Variants in CHMP3 observed in about 807,000 individuals in gnomAD.
CHMP3 encodes charged multivesicular body protein 3, also known as 25.1 protein.
In CHMP3, 8 loss-of-function variants were observed where a neutral mutation model predicts 27.4. The observed-to-expected ratio is 0.29, with a 90% confidence interval of 0.17 to 0.53. The LOEUF (loss-of-function observed/expected upper bound fraction) is 0.53. Ranked by LOEUF, CHMP3 falls within the 20% of genes least tolerant of loss-of-function variation. The probability of loss-of-function intolerance (pLI) is 0.96; values close to 1 mark genes in which losing one functional copy is unlikely to be tolerated. For missense variants in CHMP3, 208 were observed against 271.5 expected, an observed-to-expected ratio of 0.77 and a Z score of 1.64; for synonymous variants, 86 against 85.5, an observed-to-expected ratio of 1.01 and a Z score of -0.03.
chr2:86,563,328 G>C lies in CHMP3; in HGVS notation c.21C>G (p.Thr7=). 1 of 1,614,042 alleles carries C rather than the reference G, an allele frequency of 6.2e-7. No individual in the cohort carries two copies. The highest frequency in any genetic ancestry group is 8.5e-7 in the Non-Finnish European group (1 of 1,179,958). Residue 7 remains threonine (T), a synonymous_variant, in exon 1 of 6, where the codon ACC becomes ACG. Transcript: ENST00000263856. The part of the protein sequence containing the change: MGLFGK[T]QEKPPKELVN... ...CCAGTTCTTTGGGCGGCTTCTCCTG[G>C]GTCTTTCCAAACAGCCCCATGACGA...
intron 2 of CHMP3, among the ~76,000 whole-genome samples, chr2:86,531,460 C>T (rs562378810): frequency 6.6e-6 from 1 of 152,182 alleles, no homozygotes; most frequent in Non-Finnish European, 1.5e-5. Context: ...CAGCTTCATA[C>T]TCCTGGCCTC....
intron 1 of CHMP3, among the ~76,000 whole-genome samples, chr2:86,550,452 G>C (rs2104022101): frequency 6.6e-6 from 1 of 150,476 alleles, no homozygotes; most frequent in African/African-American, 2.5e-5. Flanking sequence ...AAGGGAGAGG[G>C]AGAGAGAGAG....
intron 3 of CHMP3, among the ~76,000 whole-genome samples, chr2:86,526,139 C>T: frequency 6.6e-6 from 1 of 152,190 alleles, no homozygotes; most frequent in East Asian, 1.9e-4. Context: ...AAACGATAGG[C>T]TCTTATGTGC....
At chr2:86,531,497 G>A (rs1358210930) in intron 2 of CHMP3, among the ~76,000 whole-genome samples, 2 of 152,040 alleles carry the variant, frequency 1.3e-5, no homozygotes, top group Non-Finnish European at 2.9e-5. Context: ...TCAGCCTCCC[G>A]AGTAGCTGGG....
Position 86,563,321 on chromosome 2 carries a change from T to C in CHMP3, c.28A>G (p.Lys10Glu), listed in dbSNP as rs1558667032. 5.0e-6 allele frequency: 8 copies of C among 1,613,950 alleles called. No homozygotes were observed. In the African/African-American group the frequency reaches 5.3e-5, roughly 11 times the overall value. MGLFGKTQEKPPKELVNEWS... is the reference protein window; with the variant it reads MGLFGKTQEEPPKELVNEWS... The stretch of plus-strand genomic sequence containing the variant: ...GCCCTTACCAGTTCTTTGGGCGGCT[T>C]CTCCTGGGTCTTTCCAAACAGCCCC... Residue 10 changes from lysine to glutamate, a missense_variant, in exon 1 of 6, where the codon AAG (lysine) becomes GAG (glutamate). Coordinates refer to ENST00000263856, the MANE Select transcript of CHMP3 (RefSeq NM_016079.4).
At chr2:86,550,300 C>T (rs947022035) in intron 1 of CHMP3, among the ~76,000 whole-genome samples, 3 of 151,830 alleles carry the variant, frequency 2.0e-5, no homozygotes, top group Non-Finnish European at 2.9e-5. Flanking sequence ...CACGGGAGCC[C>T]GGGGCAGGGA....
chr2:86,558,940 A>G (rs1677240411), intron 1 of CHMP3, among the ~76,000 whole-genome samples: 1 of 151,940 alleles, frequency 6.6e-6, no homozygotes, highest in South Asian at 2.1e-4. Flanking sequence ...ATACTTTATC[A>G]GTGCATCAGC....
chr2:86,551,362 T>C (rs1676899042), intron 1 of CHMP3, among the ~76,000 whole-genome samples: 1 of 151,770 alleles, frequency 6.6e-6, no homozygotes, highest in African/African-American at 2.4e-5. Context: ...GTTCAAGCAA[T>C]TCTCCTGCCT....
chr2:86,550,276 C>T (rs928404206), intron 1 of CHMP3, among the ~76,000 whole-genome samples: 7 of 152,170 alleles, frequency 4.6e-5, no homozygotes, highest in African/African-American at 1.4e-4. Flanking sequence ...CTTGGCAGGC[C>T]GAGGTAGGAG....
Position 86,505,949 on chromosome 2 carries a change from C to A in CHMP3, c.524G>T (p.Gly175Val). Residue 175 changes from glycine (G) to valine (V), a missense_variant and splice_region_variant, in exon 6 of 6, where the codon GGG becomes GTG. By Grantham distance (109) the Gly-to-Val change is moderately radical. Coordinates refer to ENST00000263856, the MANE Select transcript of CHMP3 (RefSeq NM_016079.4). ...TTTACTGGGTGCTTTGCCCAAGGCC[C>A]CTGAAAAGAAAGAGCAAAGATGAAC... Reference protein sequence around the residue: ...IDRILFEITAGALGKAPSKVT... With the variant: ...IDRILFEITAVALGKAPSKVT... 1.3e-6 allele frequency: 2 copies of A among 1,552,784 alleles called. No homozygotes were observed. Among genetic ancestry groups the A allele is most frequent in the Non-Finnish European group, 8.7e-7 (1 of 1,145,474 alleles).
chr2:86,515,415 G>A (rs1389126521), intron 3 of CHMP3: 2 of 152,200 alleles, frequency 1.3e-5, no homozygotes. Flanking sequence ...TCTGCCTCCC[G>A]GGTTCTAAGC....
intron 3 of CHMP3, among the ~76,000 whole-genome samples, chr2:86,527,554 T>C (rs1675763195): frequency 6.6e-6 from 1 of 152,214 alleles, no homozygotes; most frequent in African/African-American, 2.4e-5. Context: ...AGGATTAAAC[T>C]ATTTCTTTAT....
chr2:86,550,702 C>T (rs6714826), intron 1 of CHMP3, among the ~76,000 whole-genome samples: 121,403 of 152,102 alleles, frequency 0.8, 48,862 homozygotes, highest in East Asian at 0.95. Flanking sequence ...ATGGGTTCTA[C>T]ATGTGTGGAT....
At chr2:86,528,882 G>A (rs1280013514) in intron 3 of CHMP3, among the ~76,000 whole-genome samples, 1 of 152,100 alleles carries the variant, frequency 6.6e-6, no homozygotes, top group Non-Finnish European at 1.5e-5. Context: ...CTGGACCTAG[G>A]ACAAAGGTAG....
intron 3 of CHMP3, chr2:86,512,432 C>T (rs1675138732): frequency 6.6e-6 from 1 of 152,194 alleles, no homozygotes; most frequent in Admixed American, 6.5e-5. Flanking sequence ...ATAAATTACT[C>T]AGTCTCAGGT....
chr2:86,555,774 TC>T (rs1677098168), intron 1 of CHMP3, among the ~76,000 whole-genome samples: 2 of 152,172 alleles, frequency 1.3e-5, no homozygotes, highest in African/African-American at 4.8e-5. Context: ...ATGTCAAATC[TC>T]CCTCTAAATC....
chr2:86,544,975 TCCTCACCTCCCAGACGAA>T (rs1676514221), intron 1 of CHMP3, among the ~76,000 whole-genome samples: 1 of 106,088 alleles, frequency 9.4e-6, no homozygotes, highest in East Asian at 3.9e-4. Context: ...GCAGAGGCGC[TCCTCACCTCCCAGACGAA>T]GGGCGGCCGG....
intron 3 of CHMP3, among the ~76,000 whole-genome samples, chr2:86,523,782 C>T (rs1391477471): frequency 6.6e-6 from 1 of 151,994 alleles, no homozygotes; most frequent in Non-Finnish European, 1.5e-5. Context: ...AGAAACAATA[C>T]ACAGAATGTA....
intron 3 of CHMP3, among the ~76,000 whole-genome samples, chr2:86,517,217 T>C (rs759223919): frequency 2.6e-5 from 4 of 152,216 alleles, no homozygotes; most frequent in African/African-American, 4.8e-5. Context: ...ATTTCTGCTA[T>C]AAATATGACC....
Sources: gnomAD v4.1 joint callset for allele counts (sites outside exome capture counted in the v4.1 genomes callset) on GRCh38, gnomAD v4.1.1 for gene constraint, MANE v1.5 for transcripts, NCBI Gene and HGNC (gene_info 2026-07-23, HGNC 2026-07-21) for gene names.